Variants in PHF20 observed in about 807,000 individuals in gnomAD.
PHF20 encodes the protein PHD finger protein 20, also known as glioma-expressed antigen 2.
PHF20 carries 23 observed loss-of-function variants against 113.5 expected under a neutral mutation model. That is an observed-to-expected ratio of 0.20 (90% confidence interval 0.15 to 0.29). PHF20 has a LOEUF of 0.29. Ranked by LOEUF, PHF20 falls within the 10% of genes least tolerant of loss-of-function variation. PHF20 has a pLI of 1.00. For missense variants in PHF20, 943 were observed against 1,219.6 expected, an observed-to-expected ratio of 0.77 and a Z score of 3.38; for synonymous variants, 434 against 457.3, an observed-to-expected ratio of 0.95 and a Z score of 0.65.
intron 9 of PHF20, among the ~76,000 whole-genome samples, chr20:35,892,983 G>T (rs1457385821): frequency 6.6e-6 from 1 of 152,198 alleles, no homozygotes. Flanking sequence ...ATTGAAAAGA[G>T]CCTTTGGTTT....
chr20:35,886,902 G>A (rs1225534420), intron 9 of PHF20, among the ~76,000 whole-genome samples: 1 of 152,160 alleles, frequency 6.6e-6, no homozygotes, highest in African/African-American at 2.4e-5. Context: ...GCTGGAGCAG[G>A]AGCTGAGGCC....
intron 4 of PHF20, among the ~76,000 whole-genome samples, chr20:35,857,573 T>TTG (rs2042857551): frequency 7.8e-6 from 1 of 128,628 alleles, no homozygotes; most frequent in South Asian, 2.2e-4. Context: ...TTTTTTTTTT[T>TTG]TTTTTTTTTT....
intron 2 of PHF20, 57 bp from the exon 3 acceptor site, chr20:35,842,516 A>G: frequency 7.0e-7 from 1 of 1,431,312 alleles, no homozygotes; most frequent in South Asian, 1.2e-5. Context: ...CATTATGGAT[A>G]TTTGGATATT....
At chr20:35,801,167 G>A (rs1027031343) in intron 1 of PHF20, among the ~76,000 whole-genome samples, 8 of 152,190 alleles carry the variant, frequency 5.3e-5, no homozygotes, top group Non-Finnish European at 1.2e-4. Context: ...GCAAATATTT[G>A]TTGAATAATG....
intron 4 of PHF20, among the ~76,000 whole-genome samples, chr20:35,849,886 C>G (rs1024263652): frequency 1.3e-5 from 2 of 152,176 alleles, no homozygotes; most frequent in African/African-American, 4.8e-5. Context: ...TCTTGCCACT[C>G]TTAATCTCCT....
intron 2 of PHF20, among the ~76,000 whole-genome samples, chr20:35,830,662 T>A (rs191134024): frequency 6.6e-6 from 1 of 152,154 alleles, no homozygotes; most frequent in South Asian, 2.1e-4. Flanking sequence ...TTTTTCTTTT[T>A]CACATCAACT....
At chr20:35,785,577 C>G (rs2041392607) in intron 1 of PHF20, among the ~76,000 whole-genome samples, 1 of 151,884 alleles carries the variant, frequency 6.6e-6, no homozygotes, top group Non-Finnish European at 1.5e-5. Context: ...GCCTCAGCCT[C>G]CCAATGTGCT....
At chr20:35,829,824 C>G (rs2042328034) in intron 2 of PHF20, among the ~76,000 whole-genome samples, 1 of 151,952 alleles carries the variant, frequency 6.6e-6, no homozygotes, top group Non-Finnish European at 1.5e-5. Flanking sequence ...GAAACCCTGT[C>G]TCTCCTGGCC....
At chr20:35,780,379 C>T (rs1289049087) in intron 1 of PHF20, among the ~76,000 whole-genome samples, 2 of 150,878 alleles carry the variant, frequency 1.3e-5, no homozygotes, top group Non-Finnish European at 3.0e-5. Context: ...ATGCCCTCCA[C>T]GATGCCCGGC....
At chr20:35,857,562 CTTTTTTT>C (rs56655276) in intron 4 of PHF20, among the ~76,000 whole-genome samples, 9 of 99,678 alleles carry the variant, frequency 9.0e-5, no homozygotes, top group South Asian at 4.1e-4. Context: ...AATGATGTTC[CTTTTTTT>C]TTTTTTTTTT....
At chr20:35,938,038 A>AT (rs1159238033) in intron 15 of PHF20, among the ~76,000 whole-genome samples, 3 of 151,698 alleles carry the variant, frequency 2.0e-5, no homozygotes, top group African/African-American at 4.8e-5. Context: ...CGTCCAGCTA[A>AT]TTTTTTTTGT....
rs548971524 is a variant in PHF20, at chr20:35,857,985, C to G, written c.341-317C>G. Among the ~76,000 whole-genome samples the G allele has an allele frequency of 2.6e-5, 4 of 152,308 alleles. No homozygotes were observed. The East Asian group carries it at 5.8e-4, about 22-fold the overall frequency. Reference sequence around the variant, plus strand: ...AATAAATAAGTCTGCATTTTACTCACTTTCTTAATTGTTTTACTGCTCTTT... The same window carrying G: ...AATAAATAAGTCTGCATTTTACTCAGTTTCTTAATTGTTTTACTGCTCTTT... On this transcript the variant is annotated intron_variant, in intron 4 of 17. Transcript: ENST00000374012.
rs550474383 is a variant in PHF20, at chr20:35,798,642, C to T, written c.-32-2849C>T. Reference sequence around the variant, plus strand: ...GCTAATTTTGTATTTTTAGTAGAGACGGGGTTTCTGCATGTTGGTTAGGCT... The same window carrying T: ...GCTAATTTTGTATTTTTAGTAGAGATGGGGTTTCTGCATGTTGGTTAGGCT... On this transcript the variant is annotated intron_variant, in intron 1 of 17. Transcript: ENST00000374012. Among the ~76,000 whole-genome samples the T allele has an allele frequency of 2.5e-4, 38 of 151,102 alleles. 1 individual carries two copies. The highest frequency in any genetic ancestry group is 1.8e-3 in the Admixed American group (27 of 15,146).
intron 1 of PHF20, among the ~76,000 whole-genome samples, chr20:35,799,812 C>A (rs187743261): frequency 5.5e-4 from 83 of 152,180 alleles, no homozygotes; most frequent in African/African-American, 1.9e-3. Flanking sequence ...GGATTACAGG[C>A]GCCTGCCGCC....
chr20:35,889,303 C>CGT (rs2054802994), intron 9 of PHF20, among the ~76,000 whole-genome samples: 1 of 151,804 alleles, frequency 6.6e-6, no homozygotes, highest in Non-Finnish European at 1.5e-5. Flanking sequence ...CGTGAGCCAC[C>CGT]GTGCCTGGTG....
At chr20:35,793,219 T>G (rs2041592596) in intron 1 of PHF20, among the ~76,000 whole-genome samples, 1 of 152,094 alleles carries the variant, frequency 6.6e-6, no homozygotes, top group African/African-American at 2.4e-5. Context: ...TGCCTTTGCT[T>G]AGAAGTCACT....
intron 4 of PHF20, among the ~76,000 whole-genome samples, chr20:35,857,497 G>A (rs1297584064): frequency 1.3e-5 from 2 of 148,608 alleles, no homozygotes; most frequent in South Asian, 2.1e-4. Flanking sequence ...TAATTCAAAT[G>A]GATTTTGAGT....
chr20:35,783,422 T>C (rs2041341345), intron 1 of PHF20, among the ~76,000 whole-genome samples: 2 of 152,010 alleles, frequency 1.3e-5, no homozygotes, highest in Non-Finnish European at 2.9e-5. Context: ...CTCTTACTTT[T>C]TTTTTTTCTT....
intron 4 of PHF20, among the ~76,000 whole-genome samples, chr20:35,849,752 G>C (rs1320759327): frequency 6.6e-6 from 1 of 151,672 alleles, no homozygotes; most frequent in South Asian, 2.1e-4. Flanking sequence ...AAGCTCTGCC[G>C]GCAAGGCGGC....
Sources: allele counts gnomAD v4.1 joint callset (sites outside exome capture counted in the v4.1 genomes callset), GRCh38; gene constraint gnomAD v4.1.1; transcripts MANE v1.5; gene names NCBI Gene and HGNC (gene_info 2026-07-23, HGNC 2026-07-21).